TSPEAR: variants seen among roughly 807,000 people sequenced by gnomAD.
TSPEAR encodes thrombospondin type laminin G domain and EAR repeats, also known as thrombospondin-type laminin G domain and EAR repeat-containing protein.
TSPEAR carries 69 observed loss-of-function variants against 71.6 expected under a neutral mutation model. The ratio of observed to expected loss-of-function variants is 0.96; its 90% confidence interval spans 0.79 to 1.18. TSPEAR has a LOEUF of 1.18. Ranked by LOEUF, TSPEAR falls within the 50% of genes most tolerant of loss-of-function variation. The probability of loss-of-function intolerance (pLI) is 0.00; values close to 1 mark genes in which losing one functional copy is unlikely to be tolerated. For synonymous variants in TSPEAR, 402 were observed against 387.2 expected, an observed-to-expected ratio of 1.04 and a Z score of -0.45; for missense variants, 971 against 894.9, an observed-to-expected ratio of 1.09 and a Z score of -1.09.
At chr21:44,649,576 A>G (rs961693564) in intron 1 of TSPEAR, among the ~76,000 whole-genome samples, 2 of 152,140 alleles carry the variant, frequency 1.3e-5, no homozygotes, top group Non-Finnish European at 2.9e-5. Context: ...GCCCACACGC[A>G]TGCCACAGGG....
chr21:44,682,945 G>A (rs1333655301), intron 1 of TSPEAR, among the ~76,000 whole-genome samples: 3 of 152,094 alleles, frequency 2.0e-5, no homozygotes, highest in Admixed American at 2.0e-4. Context: ...TGTGGAACGG[G>A]GCAGGGCTGT....
intron 1 of TSPEAR, among the ~76,000 whole-genome samples, chr21:44,644,773 T>C (rs1315888186): frequency 1.3e-5 from 2 of 152,158 alleles, no homozygotes; most frequent in Non-Finnish European, 2.9e-5. Context: ...CCAGGAAAGA[T>C]GAAATTATTA....
intron 1 of TSPEAR, among the ~76,000 whole-genome samples, chr21:44,572,574 G>A (rs1226699055): frequency 5.3e-5 from 8 of 151,772 alleles, no homozygotes; most frequent in Non-Finnish European, 5.9e-5. Flanking sequence ...AAGTCCACAA[G>A]AAACACTTCT....
At position 44,697,663 on chromosome 21, in the gene TSPEAR, C is replaced by T. The variant is rs115284801; in HGVS notation, c.82+13770G>A. The T allele has an allele frequency of 1.3e-3, 2,028 of 1,613,114 alleles. 27 individuals carry two copies. In the African/African-American group the frequency reaches 0.021, roughly 17 times the overall value. Reference sequence around the variant, plus strand: ...CGTGTCAACAGTCCTGCTGTGTGCCCGTCTGCTGCAAGCCCATCTGCTGTG... The same window carrying T: ...CGTGTCAACAGTCCTGCTGTGTGCCTGTCTGCTGCAAGCCCATCTGCTGTG... On this transcript the variant is annotated intron_variant, in intron 1 of 11. Transcript: ENST00000323084.
chr21:44,542,833 A>G (rs1249239823), intron 2 of TSPEAR, among the ~76,000 whole-genome samples: 2 of 152,082 alleles, frequency 1.3e-5, no homozygotes, highest in Non-Finnish European at 2.9e-5. Flanking sequence ...GAACACAAAG[A>G]AAACTACACC....
At chr21:44,515,391 T>G (rs1002235134) in intron 9 of TSPEAR, 1 of 152,394 alleles carries the variant, frequency 6.6e-6, no homozygotes. Context: ...AGCAGCCAGG[T>G]CCCCGTTCCC....
intron 1 of TSPEAR, among the ~76,000 whole-genome samples, chr21:44,581,673 C>T (rs182940533): frequency 1.9e-3 from 104 of 54,672 alleles, no homozygotes; most frequent in Middle Eastern, 0.015. Flanking sequence ...AAGTGTTTTG[C>T]GCTCTTAAAA....
chr21:44,684,027 A>C (rs1986741318), intron 1 of TSPEAR, among the ~76,000 whole-genome samples: 1 of 152,222 alleles, frequency 6.6e-6, no homozygotes, highest in Non-Finnish European at 1.5e-5. Context: ...TAGGAAGAAA[A>C]CCACATCCAG....
chr21:44,548,954 G>A (rs1337962408), intron 2 of TSPEAR, among the ~76,000 whole-genome samples: 2 of 152,226 alleles, frequency 1.3e-5, no homozygotes, highest in African/African-American at 4.8e-5. Flanking sequence ...TAAGGAAAAC[G>A]AGCGCTTAGA....
At chr21:44,556,750 T>C (rs1202914139) in intron 2 of TSPEAR, among the ~76,000 whole-genome samples, 8 of 152,282 alleles carry the variant, frequency 5.3e-5, no homozygotes, top group African/African-American at 1.2e-4. Context: ...ATGAGATTGT[T>C]TGACCCATCA....
intron 1 of TSPEAR, among the ~76,000 whole-genome samples, chr21:44,662,823 C>A (rs1985566086): frequency 6.6e-6 from 1 of 152,056 alleles, no homozygotes; most frequent in South Asian, 2.1e-4. Context: ...GCGAGAAACA[C>A]CCTGCAGAAC....
chr21:44,610,126 T>C (rs587711366), intron 1 of TSPEAR, among the ~76,000 whole-genome samples: 2 of 152,246 alleles, frequency 1.3e-5, no homozygotes, highest in South Asian at 2.1e-4. Context: ...TTTGAAAAAT[T>C]TGTAGCCTGA....
At chr21:44,515,805 G>A (rs1470289079) in intron 9 of TSPEAR, 1 of 152,262 alleles carries the variant, frequency 6.6e-6, no homozygotes, top group African/African-American at 2.4e-5. Flanking sequence ...AACACACAAA[G>A]ATCAACGAAG....
At chr21:44,532,145 C>T (rs376308785) in intron 3 of TSPEAR, among the ~76,000 whole-genome samples, 4 of 152,218 alleles carry the variant, frequency 2.6e-5, no homozygotes, top group Admixed American at 6.5e-5. Context: ...TAAGTTCTTC[C>T]GTGGCCACAA....
chr21:44,697,308 G>T (rs1555950752), intron 1 of TSPEAR: 3 of 1,613,638 alleles, frequency 1.9e-6, no homozygotes, highest in East Asian at 2.2e-5. Flanking sequence ...CCAGAGAGCT[G>T]CTGTGAGCCC....
intron 1 of TSPEAR, among the ~76,000 whole-genome samples, chr21:44,632,617 G>A (rs782583666): frequency 1.3e-5 from 2 of 152,134 alleles, no homozygotes; most frequent in Non-Finnish European, 2.9e-5. Flanking sequence ...GGGCAGATCA[G>A]AAGGTCAAGG....
intron 1 of TSPEAR, chr21:44,647,475 C>T: frequency 8.3e-7 from 1 of 1,201,608 alleles, no homozygotes; most frequent in Non-Finnish European, 1.2e-6. Flanking sequence ...GAGCTGCTGC[C>T]TGAAGGGGAT....
intron 2 of TSPEAR, among the ~76,000 whole-genome samples, chr21:44,548,084 G>T (rs587620904): frequency 2.0e-5 from 3 of 152,306 alleles, no homozygotes; most frequent in African/African-American, 7.2e-5. Flanking sequence ...TTAATGTTCT[G>T]ACAAAGCCTC....
Position 44,499,796 on chromosome 21 carries a change from A to C in TSPEAR, c.1997T>G (p.Leu666Arg), listed in dbSNP as rs1555910892. The C allele has an allele frequency of 1.3e-6, 2 of 1,570,532 alleles. No homozygotes were observed. The highest frequency in any genetic ancestry group is 1.7e-6 in the Non-Finnish European group (2 of 1,159,168). ...GCAGCCGCGGCCTCAGCGTGTCCTC[A>C]GCCGCAGGACCCTGGAGAGGGGCTC... ...AKEPLSRVLR[L>R]RTR Residue 666 changes from leucine to arginine, a missense_variant, in exon 12 of 12, where the codon CTG becomes CGG. By Grantham distance (102) the Leu-to-Arg change is moderately radical (BLOSUM62 -2). Transcript: ENST00000323084.
Sources: allele counts gnomAD v4.1 joint callset (sites outside exome capture counted in the v4.1 genomes callset), GRCh38; gene constraint gnomAD v4.1.1; transcripts MANE v1.5; gene names NCBI Gene and HGNC (gene_info 2026-07-23, HGNC 2026-07-21).